Variants in PTPRD observed in about 807,000 individuals in gnomAD.
PTPRD encodes the protein protein tyrosine phosphatase receptor type D.
A neutral mutation model predicts 214.5 loss-of-function variants in PTPRD; 34 were observed. That is an observed-to-expected ratio of 0.16 (90% CI 0.12 to 0.21). The LOEUF (loss-of-function observed/expected upper bound fraction) is 0.21, where lower values mean the gene tolerates loss of function less well. PTPRD is among the 10% of genes least tolerant of loss of function. The probability of loss-of-function intolerance (pLI) is 1.00; values close to 1 mark genes in which losing one functional copy is unlikely to be tolerated. For missense variants in PTPRD, 2,545 were observed against 2,398.7 expected (o/e 1.06, Z -1.27); for synonymous variants, 1,128 against 845.7 (o/e 1.33, Z -5.79).
At chr9:9,919,387 G>C (rs562057369) in intron 5 of PTPRD, among the ~76,000 whole-genome samples, 1 of 152,198 alleles carries the variant, frequency 6.6e-6, no homozygotes, top group African/African-American at 2.4e-5. Context: ...CCACAGGAAG[G>C]AATGTATCTT....
At chr9:8,718,500 G>A (rs958378199) in intron 12 of PTPRD, among the ~76,000 whole-genome samples, 1 of 152,170 alleles carries the variant, frequency 6.6e-6, no homozygotes, top group African/African-American at 2.4e-5. Flanking sequence ...GTTCTCCACA[G>A]TGGTTTCTGC....
chr9:8,449,962 G>C, intron 33 of PTPRD, 125 bp from the exon 34 acceptor site: 5 of 889,088 alleles, frequency 5.6e-6, no homozygotes, highest in South Asian at 1.8e-5. Context: ...TTTCAACCCA[G>C]CTGACTTGTG....
At position 9,016,358 on chromosome 9, in the gene PTPRD, T is replaced by A. The variant is rs2099535183; in HGVS notation, c.-104+2339A>T. Among the ~76,000 whole-genome samples the A allele has an allele frequency of 2.6e-5, 4 of 152,300 alleles. No individual in the cohort carries two copies. In the South Asian group the frequency reaches 8.3e-4, roughly 32 times the overall value. ...CTGTGGAACAAGTTCTGGGTTCCAA[T>A]TCCAATTCTTTCTCTTTTCTCTTTG... On this transcript the variant is annotated intron_variant, in intron 11 of 45. Transcript: ENST00000381196.
intron 9 of PTPRD, among the ~76,000 whole-genome samples, chr9:9,371,504 T>C (rs1277444126): frequency 1.3e-5 from 2 of 152,196 alleles, no homozygotes; most frequent in Non-Finnish European, 2.9e-5. Context: ...CTTCTCTCTT[T>C]TCTTCTTTAT....
chr9:8,413,773 C>A (rs2093696838), intron 35 of PTPRD, among the ~76,000 whole-genome samples: 1 of 152,054 alleles, frequency 6.6e-6, no homozygotes, highest in South Asian at 2.1e-4. Flanking sequence ...ACTAGAAAGG[C>A]TAGAACAAAT....
At chr9:10,573,889 C>T (rs1463034843) in intron 2 of PTPRD, among the ~76,000 whole-genome samples, 2 of 151,924 alleles carry the variant, frequency 1.3e-5, no homozygotes, top group Non-Finnish European at 2.9e-5. Context: ...CACGTGTATA[C>T]CTATGTAACA....
intron 39 of PTPRD, among the ~76,000 whole-genome samples, chr9:8,359,166 T>A (rs1477776442): frequency 2.7e-5 from 4 of 147,052 alleles, no homozygotes; most frequent in Non-Finnish European, 3.0e-5. Context: ...AGATTTTAGA[T>A]TCGGCAGGGA....
chr9:8,497,421 C>T (rs1024495256), intron 25 of PTPRD, among the ~76,000 whole-genome samples, 153 bp from the exon 26 acceptor site: 54 of 152,162 alleles, frequency 3.5e-4, no homozygotes, highest in African/African-American at 1.2e-3. Flanking sequence ...TGATTTGCTG[C>T]CACCTCCACC....
intron 11 of PTPRD, among the ~76,000 whole-genome samples, chr9:8,867,236 C>T (rs1282142110): frequency 6.6e-6 from 1 of 151,752 alleles, no homozygotes; most frequent in East Asian, 1.9e-4. Context: ...CCTTTCTTTC[C>T]TTCTCTCAGC....
At chr9:10,125,622 T>TTG (rs35164422) in intron 3 of PTPRD, among the ~76,000 whole-genome samples, 42,206 of 139,082 alleles carry the variant, frequency 0.3, 7,241 homozygotes, top group Non-Finnish European at 0.41. Context: ...GCTCGGCTAA[T>TTG]TGTGTGTGTG....
chr9:8,845,356 T>C (rs2254372), intron 11 of PTPRD, among the ~76,000 whole-genome samples: 122,357 of 152,160 alleles, frequency 0.8, 49,473 homozygotes, highest in Middle Eastern at 0.89. Flanking sequence ...ATCGTACATG[T>C]CATTTGAATA....
chr9:9,721,796 C>A (rs898206460), intron 7 of PTPRD, among the ~76,000 whole-genome samples: 1 of 151,994 alleles, frequency 6.6e-6, no homozygotes, highest in East Asian at 1.9e-4. Context: ...GTGAATTAAT[C>A]ACATTAGTAA....
At chr9:9,008,924 G>A (rs926839022) in intron 11 of PTPRD, among the ~76,000 whole-genome samples, 2 of 152,150 alleles carry the variant, frequency 1.3e-5, no homozygotes, top group South Asian at 4.2e-4. Flanking sequence ...TTATATCATT[G>A]AGCTTGTTGT....
At chr9:9,987,386 T>C (rs1233922313) in intron 4 of PTPRD, among the ~76,000 whole-genome samples, 1 of 152,160 alleles carries the variant, frequency 6.6e-6, no homozygotes. Flanking sequence ...CAGTTCCACA[T>C]GGCTGGGGAG....
Position 8,314,959 on chromosome 9 carries a change from A to G in PTPRD, c.*2915T>C, listed in dbSNP as rs949752644. Reference sequence around the variant, plus strand: ...ATCATTTTTAAAAAAGAGCTAAAATAAAGTTCTGTACAAATCACTTTTTAT... The same window carrying G: ...ATCATTTTTAAAAAAGAGCTAAAATGAAGTTCTGTACAAATCACTTTTTAT... On this transcript the variant is annotated 3_prime_UTR_variant, in exon 46 of 46. Coordinates refer to ENST00000381196, the MANE Select transcript of PTPRD (RefSeq NM_002839.4). 4.3e-6 allele frequency: 1 copy of G among 232,464 alleles called. No individual in the cohort carries two copies. The allele number at this position is 232,464 out of a possible 1,614,324, so 14.4% of individuals were successfully genotyped here.
intron 2 of PTPRD, among the ~76,000 whole-genome samples, chr9:10,563,962 G>A (rs1329124859): frequency 6.6e-6 from 1 of 151,426 alleles, no homozygotes; most frequent in Non-Finnish European, 1.5e-5. Flanking sequence ...CACTTATTTT[G>A]AAACATCATC....
chr9:10,075,168 A>G (rs114685271), intron 3 of PTPRD, among the ~76,000 whole-genome samples: 2,042 of 152,228 alleles, frequency 0.013, 43 homozygotes, highest in African/African-American at 0.044. Context: ...TAAGGCTTGT[A>G]TCTTTTGCTG....
chr9:9,208,933 G>C (rs895153809), intron 9 of PTPRD, among the ~76,000 whole-genome samples: 1 of 151,840 alleles, frequency 6.6e-6, no homozygotes. Context: ...TCAGCCTCCC[G>C]AGTAGCTGGA....
intron 12 of PTPRD, among the ~76,000 whole-genome samples, chr9:8,702,334 C>T (rs1245163998): frequency 4.0e-5 from 6 of 151,008 alleles, no homozygotes; most frequent in African/African-American, 1.5e-4. Flanking sequence ...ATTTGGTGTG[C>T]CTTATCTTCT....
Sources: gnomAD v4.1 joint callset for allele counts (sites outside exome capture counted in the v4.1 genomes callset) on GRCh38, gnomAD v4.1.1 for gene constraint, MANE v1.5 for transcripts, NCBI Gene and HGNC (gene_info 2026-07-23, HGNC 2026-07-21) for gene names.